The following UCHL3 variants were observed in gnomAD, a reference collection of about 807,000 sequenced individuals.
UCHL3 encodes the protein ubiquitin C-terminal hydrolase L3.
A neutral mutation model predicts 35.8 loss-of-function variants in UCHL3; 22 were observed. The observed-to-expected ratio is 0.61, with a 90% CI of 0.44 to 0.88. The LOEUF (loss-of-function observed/expected upper bound fraction) is 0.88. UCHL3 is among the 40% of genes least tolerant of loss of function. UCHL3 has a pLI of 0.00. For synonymous variants in UCHL3, 90 were observed against 92.8 expected (o/e 0.97, Z 0.17); for missense variants, 229 against 276.9 (o/e 0.83, Z 1.23).
intron 5 of UCHL3, among the ~76,000 whole-genome samples, chr13:75,568,235 C>T (rs1458926558): frequency 3.3e-5 from 5 of 151,844 alleles, no homozygotes; most frequent in South Asian, 2.1e-4. Context: ...TGAAATTAGG[C>T]GTATAATCTA....
chr13:75,550,083 T>G, intron 2 of UCHL3, 96 bp downstream of exon 2: 1 of 1,584,812 alleles, frequency 6.3e-7, no homozygotes, highest in South Asian at 1.1e-5. Context: ...CCAGGGATTC[T>G]GGGATTTAAT....
At chr13:75,579,964 T>A (rs900094718) in intron 6 of UCHL3, among the ~76,000 whole-genome samples, 14 of 152,162 alleles carry the variant, frequency 9.2e-5, no homozygotes, top group African/African-American at 3.4e-4. Flanking sequence ...AACATTTAGA[T>A]GTACAGGTAT....
chr13:75,586,792 A>G (rs1166880668), intron 6 of UCHL3, among the ~76,000 whole-genome samples: 1 of 151,992 alleles, frequency 6.6e-6, no homozygotes, highest in Non-Finnish European at 1.5e-5. Flanking sequence ...TCAAAGAGGA[A>G]TCACAAGAGA....
chr13:75,593,874 A>G (rs2032575870), intron 6 of UCHL3, among the ~76,000 whole-genome samples: 1 of 152,236 alleles, frequency 6.6e-6, no homozygotes, highest in Non-Finnish European at 1.5e-5. Flanking sequence ...TTGAAAATAT[A>G]TACTTACTTG....
intron 3 of UCHL3, among the ~76,000 whole-genome samples, chr13:75,562,184 C>T (rs2031540620): frequency 6.6e-6 from 1 of 151,964 alleles, no homozygotes; most frequent in Admixed American, 6.6e-5. Flanking sequence ...TTTCTTTATG[C>T]TATAACAAAT....
At chr13:75,559,176 A>G (rs1434611886) in intron 2 of UCHL3, among the ~76,000 whole-genome samples, 2 of 151,568 alleles carry the variant, frequency 1.3e-5, no homozygotes, top group South Asian at 4.2e-4. Context: ...AGTAGCTGGG[A>G]ATACAGGCGC....
Position 75,592,427 on chromosome 13 carries a change from T to TATGTATATACATATATAC in UCHL3, c.475-2486_475-2485insGTATATACATATATACAT, listed in dbSNP as rs1342558860. On this transcript the variant is annotated intron_variant, in intron 6 of 8. Transcript: ENST00000377595. ...TTAATTTTTCCTTCATATATATATA[T>TATGTATATACATATATAC]ATATATATATATATATATATATATA... 7.8e-3 allele frequency among the ~76,000 whole-genome samples: 564 copies of TATGTATATACATATATAC among 72,354 alleles called. 44 individuals are homozygous for TATGTATATACATATATAC. The highest frequency in any genetic ancestry group is 0.019 in the African/African-American group (373 of 19,304). 47.5% of individuals were successfully genotyped at this position (72,354 alleles called of 152,430 possible). A position where few individuals can be genotyped will look rare whatever the true frequency, so the allele number is the denominator to read the frequency against.
At chr13:75,601,217 A>G (rs1486767680) in intron 7 of UCHL3, among the ~76,000 whole-genome samples, 1 of 152,250 alleles carries the variant, frequency 6.6e-6, no homozygotes, top group Non-Finnish European at 1.5e-5. Context: ...TAAAATGACC[A>G]CAAACCATAA....
At chr13:75,604,629 A>G (rs1271012108) in intron 7 of UCHL3, 140 bp from the exon 8 acceptor site, 4 of 489,790 alleles carry the variant, frequency 8.2e-6, no homozygotes, top group Admixed American at 4.2e-5. Flanking sequence ...GTAGCACATT[A>G]AAACATTTGT....
At chr13:75,557,375 A>T (rs143609331) in intron 2 of UCHL3, among the ~76,000 whole-genome samples, 22 of 152,362 alleles carry the variant, frequency 1.4e-4, no homozygotes, top group Non-Finnish European at 1.0e-4. Flanking sequence ...GGACCATAGA[A>T]TAAAAAGAAT....
intron 4 of UCHL3, 53 bp from the exon 5 acceptor site, chr13:75,567,174 G>T: frequency 6.8e-7 from 1 of 1,477,426 alleles, no homozygotes; most frequent in Non-Finnish European, 9.4e-7. Context: ...TTCATATATT[G>T]GTCTCTCTGC....
At chr13:75,559,151 T>G (rs2031402528) in intron 2 of UCHL3, among the ~76,000 whole-genome samples, 1 of 148,652 alleles carries the variant, frequency 6.7e-6, no homozygotes, top group Non-Finnish European at 1.5e-5. Context: ...GCCATTCTCC[T>G]GCCTTAGCCT....
chr13:75,595,985 A>G (rs1274151337), intron 7 of UCHL3, among the ~76,000 whole-genome samples: 1 of 152,172 alleles, frequency 6.6e-6, no homozygotes, highest in African/African-American at 2.4e-5. Flanking sequence ...AAAAAAGAGA[A>G]GTTCTTTTCA....
intron 2 of UCHL3, among the ~76,000 whole-genome samples, chr13:75,551,408 A>T (rs940695058): frequency 2.0e-5 from 3 of 149,188 alleles, no homozygotes; most frequent in Non-Finnish European, 4.5e-5. Context: ...TCCAGCCTGG[A>T]TGACAGAGCA....
chr13:75,592,435 T>TGTATATATACATATAC (rs2032513551), intron 6 of UCHL3, among the ~76,000 whole-genome samples: 2 of 98,760 alleles, frequency 2.0e-5, no homozygotes, highest in African/African-American at 8.1e-5. Context: ...TATATATATA[T>TGTATATATACATATAC]ATATATATAT....
intron 6 of UCHL3, among the ~76,000 whole-genome samples, chr13:75,585,782 A>C (rs192116480): frequency 6.6e-6 from 1 of 152,244 alleles, no homozygotes; most frequent in East Asian, 1.9e-4. Flanking sequence ...TGAGGTTCTT[A>C]TACTACATAT....
At chr13:75,575,670 G>A (rs545732567) in intron 6 of UCHL3, among the ~76,000 whole-genome samples, 1 of 152,044 alleles carries the variant, frequency 6.6e-6, no homozygotes, top group East Asian at 1.9e-4. Context: ...GCTGGAATTT[G>A]AGCTGAAACC....
rs138613709 is a variant in UCHL3, at chr13:75,577,850, A to G, written c.474+8343A>G. Among the ~76,000 whole-genome samples, 11 of 152,324 alleles carry G rather than the reference A, an allele frequency of 7.2e-5. No individual in the cohort carries two copies. The East Asian group carries it at 2.1e-3, about 29-fold the overall frequency. ...CTTCATTGCCACTTAACTAAAAAGT[A>G]ATTCCTAAAATTTGTGATTTGTCCA... On this transcript the variant is annotated intron_variant, in intron 6 of 8. Transcript: ENST00000377595.
At chr13:75,598,274 A>G (rs1338723502) in intron 7 of UCHL3, among the ~76,000 whole-genome samples, 1 of 152,196 alleles carries the variant, frequency 6.6e-6, no homozygotes, top group East Asian at 1.9e-4. Flanking sequence ...TGAAGACATG[A>G]TGCCCCATTA....
Sources: allele counts gnomAD v4.1 joint callset (sites outside exome capture counted in the v4.1 genomes callset), GRCh38; gene constraint gnomAD v4.1.1; transcripts MANE v1.5; gene names NCBI Gene and HGNC (gene_info 2026-07-23, HGNC 2026-07-21).